The following LOC128031836 variants were observed in gnomAD, a reference collection of about 807,000 sequenced individuals.
At chr1:203,802,183 C>T in the LOC128031836 span, 1 of 152,602 alleles carries the variant, frequency 6.6e-6, no homozygotes, top group Non-Finnish European at 1.5e-5. Flanking sequence ...TTTGGTTAAA[C>T]ACTCCCTGAT....
chr1:203,802,129 T>C, the LOC128031836 span: 1 of 152,648 alleles, frequency 6.6e-6, no homozygotes, highest in Non-Finnish European at 1.5e-5. Flanking sequence ...TACAGCTTGC[T>C]GCACCACTCT....
At chr1:203,802,161 G>A in the LOC128031836 span, 3 of 152,432 alleles carry the variant, frequency 2.0e-5, no homozygotes, top group Admixed American at 1.3e-4. Context: ...ATTACCATAC[G>A]TTTCTATCTT....
At chr1:203,802,133 C>G in the LOC128031836 span, 65 of 152,676 alleles carry the variant, frequency 4.3e-4, no homozygotes, top group Non-Finnish European at 4.4e-5. Context: ...GCTTGCTGCA[C>G]CACTCTGTAG....
At chr1:203,802,151 A>G in the LOC128031836 span, 2 of 152,592 alleles carry the variant, frequency 1.3e-5, no homozygotes, top group African/African-American at 4.8e-5. Context: ...TAGTTACTCT[A>G]TTACCATACG....
At chr1:203,802,100 A>G in the LOC128031836 span, 4 of 152,636 alleles carry the variant, frequency 2.6e-5, no homozygotes, top group African/African-American at 9.6e-5. Flanking sequence ...TAGAATGGCT[A>G]TAATGCTGCT....
chr1:203,802,183 C>G, the LOC128031836 span: 1 of 152,602 alleles, frequency 6.6e-6, no homozygotes, highest in African/African-American at 2.4e-5. Flanking sequence ...TTTGGTTAAA[C>G]ACTCCCTGAT....
chr1:203,802,104 T>G, the LOC128031836 span: 61 of 152,772 alleles, frequency 4.0e-4, no homozygotes, highest in African/African-American at 1.4e-3. Flanking sequence ...ATGGCTATAA[T>G]GCTGCTCTGC....
the LOC128031836 span, chr1:203,802,108 G>A: frequency 6.6e-6 from 1 of 152,538 alleles, no homozygotes; most frequent in African/African-American, 2.4e-5. Flanking sequence ...CTATAATGCT[G>A]CTCTGCCTTC....
the LOC128031836 span, chr1:203,802,138 CTG>C: frequency 6.6e-6 from 1 of 152,582 alleles, no homozygotes; most frequent in African/African-American, 2.4e-5. Flanking sequence ...CTGCACCACT[CTG>C]TAGTTACTCT....
the LOC128031836 span, chr1:203,802,160 C>T: frequency 6.6e-6 from 1 of 152,542 alleles, no homozygotes; most frequent in African/African-American, 2.4e-5. Context: ...TATTACCATA[C>T]GTTTCTATCT....
chr1:203,802,115 C>T, the LOC128031836 span: 3 of 152,604 alleles, frequency 2.0e-5, no homozygotes, highest in Non-Finnish European at 1.5e-5. Context: ...GCTGCTCTGC[C>T]TTCTACAGCT....
chr1:203,802,094 A>G, the LOC128031836 span: 2 of 152,606 alleles, frequency 1.3e-5, no homozygotes, highest in Admixed American at 1.3e-4. Context: ...CCAGTTTAGA[A>G]TGGCTATAAT....
the LOC128031836 span, chr1:203,802,185 C>A: frequency 6.6e-6 from 1 of 152,562 alleles, no homozygotes; most frequent in African/African-American, 2.4e-5. Flanking sequence ...TGGTTAAACA[C>A]TCCCTGATGA....
chr1:203,802,138 C>T, the LOC128031836 span: 2 of 152,582 alleles, frequency 1.3e-5, no homozygotes, highest in Non-Finnish European at 2.9e-5. Flanking sequence ...CTGCACCACT[C>T]TGTAGTTACT....
chr1:203,802,191 G>A, the LOC128031836 span: 21 of 152,634 alleles, frequency 1.4e-4, no homozygotes, highest in African/African-American at 5.1e-4. Flanking sequence ...AACACTCCCT[G>A]ATGACGATGA....
At chr1:203,802,156 C>G in the LOC128031836 span, 1 of 152,560 alleles carries the variant, frequency 6.6e-6, no homozygotes, top group African/African-American at 2.4e-5. Context: ...ACTCTATTAC[C>G]ATACGTTTCT....
the LOC128031836 span, chr1:203,802,160 C>A: frequency 6.6e-6 from 1 of 152,542 alleles, no homozygotes; most frequent in Non-Finnish European, 1.5e-5. Context: ...TATTACCATA[C>A]GTTTCTATCT....
Sources: allele counts gnomAD v4.1 joint callset, GRCh38; gene constraint gnomAD v4.1.1; transcripts MANE v1.5.